Variants in TBXAS1 observed in about 807,000 individuals in gnomAD.
TBXAS1 encodes thromboxane A synthase 1.
A neutral mutation model predicts 60.7 loss-of-function variants in TBXAS1; 48 were observed. That is an observed-to-expected ratio of 0.79 (90% CI 0.63 to 1.01). The LOEUF (loss-of-function observed/expected upper bound fraction) is 1.01, where lower values mean the gene tolerates loss of function less well. Ranked by LOEUF, TBXAS1 falls within the 50% of genes least tolerant of loss-of-function variation. The probability of loss-of-function intolerance (pLI) is 0.00; values close to 1 mark genes in which losing one functional copy is unlikely to be tolerated. For synonymous variants in TBXAS1, 287 were observed against 269.7 expected (o/e 1.06, Z -0.63); for missense variants, 685 against 686.3 (o/e 1.00, Z 0.02).
intron 5 of TBXAS1, among the ~76,000 whole-genome samples, chr7:139,946,760 C>T (rs891711447): frequency 3.3e-5 from 5 of 152,172 alleles, no homozygotes; most frequent in Non-Finnish European, 7.4e-5. Context: ...ATCTTTGTCA[C>T]GACTCTTCAA....
intron 4 of TBXAS1, among the ~76,000 whole-genome samples, chr7:139,811,181 G>A (rs1392476322): frequency 6.6e-6 from 1 of 152,128 alleles, no homozygotes; most frequent in Non-Finnish European, 1.5e-5. Context: ...CCTTCCACAG[G>A]GAAACATTAT....
intron 4 of TBXAS1, among the ~76,000 whole-genome samples, chr7:139,933,670 T>G (rs923955800): frequency 6.6e-5 from 10 of 152,344 alleles, no homozygotes; most frequent in African/African-American, 2.4e-4. Flanking sequence ...ATGGCTTATT[T>G]TGAGTGTTCA....
intron 4 of TBXAS1, among the ~76,000 whole-genome samples, chr7:139,813,480 A>G (rs1214625490): frequency 6.6e-6 from 1 of 152,252 alleles, no homozygotes; most frequent in Non-Finnish European, 1.5e-5. Flanking sequence ...AATGTTTCAC[A>G]TGGAAGAATA....
chr7:139,953,753 A>G (rs1266734464), intron 6 of TBXAS1, among the ~76,000 whole-genome samples: 2 of 152,206 alleles, frequency 1.3e-5, no homozygotes, highest in Non-Finnish European at 2.9e-5. Flanking sequence ...GGATGGGGGG[A>G]AAGTTCAAGC....
At chr7:139,806,936 G>A (rs553674396) in intron 4 of TBXAS1, among the ~76,000 whole-genome samples, 59 of 152,298 alleles carry the variant, frequency 3.9e-4, no homozygotes, top group African/African-American at 1.1e-3. Flanking sequence ...ATTGTCTGCC[G>A]AATGCTTCTA....
chr7:139,860,041 A>C (rs990429036), intron 1 of TBXAS1, among the ~76,000 whole-genome samples: 2 of 152,192 alleles, frequency 1.3e-5, no homozygotes, highest in Non-Finnish European at 2.9e-5. Flanking sequence ...CGGGAGGCTG[A>C]GGCATGAGGC....
chr7:139,845,213 C>A (rs1017553051), intron 1 of TBXAS1, among the ~76,000 whole-genome samples: 2 of 152,112 alleles, frequency 1.3e-5, no homozygotes, highest in African/African-American at 4.8e-5. Context: ...CTGCAGCCAC[C>A]GGCTCACTGC....
intron 5 of TBXAS1, chr7:139,952,527 A>T: frequency 3.9e-6 from 6 of 1,535,986 alleles, no homozygotes; most frequent in Non-Finnish European, 5.2e-6. Flanking sequence ...CAGCGAATAA[A>T]ATGATTCTGC....
intron 5 of TBXAS1, among the ~76,000 whole-genome samples, chr7:139,947,543 A>G (rs1021819713): frequency 6.6e-6 from 1 of 152,246 alleles, no homozygotes; most frequent in Non-Finnish European, 1.5e-5. Flanking sequence ...CTGCACATGT[A>G]TCCCAAAACT....
chr7:139,931,804 C>T (rs1807351817), intron 4 of TBXAS1, among the ~76,000 whole-genome samples: 1 of 151,272 alleles, frequency 6.6e-6, no homozygotes, highest in Admixed American at 6.6e-5. Context: ...TCACTCATTC[C>T]TTTGGGGAAA....
chr7:139,936,137 C>G, intron 4 of TBXAS1, 54 bp from the exon 5 acceptor site: 1 of 1,573,772 alleles, frequency 6.4e-7, no homozygotes. Flanking sequence ...GTATTGCCAC[C>G]AAGGTGGCTT....
chr7:139,843,320 CTTTA>C (rs3070196), intron 1 of TBXAS1, among the ~76,000 whole-genome samples: 7,927 of 147,806 alleles, frequency 0.054, 282 homozygotes, highest in African/African-American at 0.11. Flanking sequence ...TACTACTTTA[CTTTA>C]TTTATTTATT....
intron 1 of TBXAS1, among the ~76,000 whole-genome samples, chr7:139,847,501 C>T (rs577950933): frequency 7.2e-5 from 11 of 152,248 alleles, no homozygotes; most frequent in Non-Finnish European, 1.2e-4. Context: ...TATCATAAAA[C>T]AAACAACTGA....
In TBXAS1 at chr7:139,944,770, G is replaced by A. The variant is rs373510051; in HGVS notation, c.450+8463G>A. 7.9e-5 allele frequency among the ~76,000 whole-genome samples: 12 copies of A among 152,264 alleles called. No individual in the cohort carries two copies. The East Asian group carries it at 1.2e-3, about 15-fold the overall frequency. ...AAGCTACACACCATCAACGTTTGGG[G>A]CTTATCTCTGTTTAGATGGATAGGG... On this transcript the variant is annotated intron_variant, in intron 5 of 12. Coordinates refer to ENST00000448866, the MANE Select transcript of TBXAS1 (RefSeq NM_001061.7).
chr7:139,979,213 A>T (rs149947877), intron 9 of TBXAS1, among the ~76,000 whole-genome samples: 7 of 152,154 alleles, frequency 4.6e-5, no homozygotes, highest in Non-Finnish European at 1.0e-4. Context: ...TGTCACGGTG[A>T]TGAGAAGTTC....
upstream of TBXAS1, among the ~76,000 whole-genome samples, chr7:139,824,319 C>T (rs73478029): frequency 1.0e-2 from 1,521 of 152,280 alleles, 21 homozygotes; most frequent in African/African-American, 0.034. Context: ...GACGGAAAGT[C>T]GGTCCTGCCT....
intron 4 of TBXAS1, among the ~76,000 whole-genome samples, chr7:139,820,692 G>A (rs934444668): frequency 6.6e-6 from 1 of 152,092 alleles, no homozygotes; most frequent in African/African-American, 2.4e-5. Flanking sequence ...GGTCTTAGAT[G>A]TCCTGACCCT....
At chr7:139,979,181 AC>A (rs769416486) in intron 9 of TBXAS1, among the ~76,000 whole-genome samples, 35 of 152,112 alleles carry the variant, frequency 2.3e-4, no homozygotes, top group South Asian at 4.1e-4. Context: ...CTGTTTTCTT[AC>A]CACCACCGGA....
intron 4 of TBXAS1, among the ~76,000 whole-genome samples, chr7:139,929,218 C>T (rs184471380): frequency 0.01 from 1,557 of 152,316 alleles, 14 homozygotes; most frequent in South Asian, 0.025. Flanking sequence ...CAAGTTACTT[C>T]TATAGAAGGG....
Sources: gnomAD v4.1 joint callset for allele counts (sites outside exome capture counted in the v4.1 genomes callset) on GRCh38, gnomAD v4.1.1 for gene constraint, MANE v1.5 for transcripts, NCBI Gene and HGNC (gene_info 2026-07-23, HGNC 2026-07-21) for gene names.